The following FRMPD1 variants were observed in gnomAD, a reference collection of about 807,000 sequenced individuals.
FRMPD1 encodes the protein FERM and PDZ domain containing 1, also known as FERM and PDZ domain-containing protein 1.
In FRMPD1, 76 loss-of-function variants were observed where a neutral mutation model predicts 117.8. The observed-to-expected ratio is 0.65, with a 90% confidence interval of 0.54 to 0.78. The LOEUF (loss-of-function observed/expected upper bound fraction) is 0.78. Among genes scored for constraint, FRMPD1 ranks in the 30% least tolerant of loss-of-function variants. The probability of loss-of-function intolerance (pLI) is 0.00; values close to 1 mark genes in which losing one functional copy is unlikely to be tolerated. For synonymous variants in FRMPD1, 783 were observed against 770.4 expected, an observed-to-expected ratio of 1.02 and a Z score of -0.27; for missense variants, 1,786 against 1,964.5, an observed-to-expected ratio of 0.91 and a Z score of 1.72.
At chr9:37,613,514 G>A in the FRMPD1 span, among the ~76,000 whole-genome samples, 2 of 152,148 alleles carry the variant, frequency 1.3e-5, no homozygotes, top group Admixed American at 6.6e-5. Flanking sequence ...TACTTTGCTG[G>A]CTCTTAGTGT....
At chr9:37,719,731 C>T (rs1230638976) in intron 6 of FRMPD1, among the ~76,000 whole-genome samples, 1 of 152,078 alleles carries the variant, frequency 6.6e-6, no homozygotes, top group African/African-American at 2.4e-5. Context: ...ATGCAGGAGC[C>T]CAGGTCCATG....
intron 4 of FRMPD1, among the ~76,000 whole-genome samples, chr9:37,708,844 G>A (rs184130915): frequency 5.3e-5 from 8 of 152,284 alleles, no homozygotes; most frequent in Admixed American, 2.0e-4. Context: ...TAGGCACGTT[G>A]TAACATATGC....
the FRMPD1 span, among the ~76,000 whole-genome samples, chr9:37,619,071 AC>A: frequency 6.6e-6 from 1 of 152,218 alleles, no homozygotes; most frequent in Non-Finnish European, 1.5e-5. Flanking sequence ...GAGGAGATAA[AC>A]CCAGCCCCAA....
chr9:37,717,375 A>G (rs368951582), intron 5 of FRMPD1, among the ~76,000 whole-genome samples: 3,141 of 69,264 alleles, frequency 0.045, 110 homozygotes, highest in African/African-American at 0.13. Flanking sequence ...GTGTGTATAT[A>G]TATATATTTT....
chr9:37,732,343 A>G lies in FRMPD1; in HGVS notation c.898A>G (p.Met300Val). Residue 300 changes from methionine to valine, a missense_variant, in exon 10 of 16, where the codon ATG becomes GTG. By Grantham distance (21) the Met-to-Val change is conservative (BLOSUM62 1). Coordinates refer to ENST00000377765, the MANE Select transcript of FRMPD1 (RefSeq NM_014907.3). ...DVLQERFAVE[M>V]KCSSALRLAA... The stretch of plus-strand genomic sequence containing the variant: ...GCTCCAGGAGCGCTTTGCTGTAGAA[A>G]TGAAATGTAGCTCTGCACTCCGACT... 2 of 1,613,926 alleles carry G rather than the reference A, an allele frequency of 1.2e-6. No individual in the cohort carries two copies. The highest frequency in any genetic ancestry group is 8.5e-7 in the Non-Finnish European group (1 of 1,180,008).
rs1822786694 is a variant in FRMPD1 at position 37,708,327 on chromosome 9, C to T, written c.260-72C>T. ...GGAACTGGATCAGGGTGCCATTTAA[C>T]TGTGCCGCTATTACACATAGAGTCT... On this transcript the variant is annotated intron_variant, in intron 3 of 15. Coordinates refer to ENST00000377765, the MANE Select transcript of FRMPD1 (RefSeq NM_014907.3). The T allele has an allele frequency of 3.4e-6, 3 of 885,160 alleles. No homozygotes were observed. The African/African-American group carries it at 4.9e-5, about 15-fold the overall frequency. The allele number at this position is 885,160 out of a possible 1,614,324, so 54.8% of individuals were successfully genotyped here.
chr9:37,633,087 T>G, the FRMPD1 span, among the ~76,000 whole-genome samples: 1 of 151,626 alleles, frequency 6.6e-6, no homozygotes, highest in Non-Finnish European at 1.5e-5. Context: ...CAGGTAGGAG[T>G]GCAGTGGCAT....
At chr9:37,672,910 C>T (rs1563925835) in intron 1 of FRMPD1, among the ~76,000 whole-genome samples, 1 of 152,164 alleles carries the variant, frequency 6.6e-6, no homozygotes, top group Non-Finnish European at 1.5e-5. Flanking sequence ...CTAGGTCCCT[C>T]CCAGAACATG....
intron 1 of FRMPD1, among the ~76,000 whole-genome samples, chr9:37,658,434 G>A (rs1226792216): frequency 6.6e-6 from 1 of 152,120 alleles, no homozygotes; most frequent in Non-Finnish European, 1.5e-5. Context: ...TACTTCTTAG[G>A]TGCTGTATTT....
intron 7 of FRMPD1, chr9:37,727,973 T>TGC (rs1823687840): frequency 6.6e-6 from 1 of 152,234 alleles, no homozygotes. Context: ...GCACTGGATA[T>TGC]ACTGCATAAC....
At chr9:37,718,964 T>C (rs1488742375) in intron 5 of FRMPD1, 105 bp from the exon 6 acceptor site, 3 of 698,546 alleles carry the variant, frequency 4.3e-6, no homozygotes, top group Admixed American at 2.1e-5. Flanking sequence ...TTAAATTGAA[T>C]CTGCAACAGC....
chr9:37,640,323 C>T, the FRMPD1 span, among the ~76,000 whole-genome samples: 3 of 152,136 alleles, frequency 2.0e-5, no homozygotes, highest in Non-Finnish European at 2.9e-5. Context: ...GGTGGCTGAA[C>T]CGAGGACAGA....
chr9:37,737,899 A>G (rs1395205156), intron 14 of FRMPD1, among the ~76,000 whole-genome samples: 2 of 151,956 alleles, frequency 1.3e-5, no homozygotes, highest in Admixed American at 1.3e-4. Flanking sequence ...TTCAGGAAGT[A>G]GATGACCTGG....
chr9:37,631,378 G>A, the FRMPD1 span, among the ~76,000 whole-genome samples: 7 of 152,304 alleles, frequency 4.6e-5, no homozygotes, highest in East Asian at 1.9e-4. Flanking sequence ...ACTTGCCATC[G>A]CTTAGCATTA....
intron 5 of FRMPD1, among the ~76,000 whole-genome samples, chr9:37,717,331 A>ATGTGTGTGTGTGTG (rs1157491514): frequency 9.2e-6 from 1 of 108,552 alleles, no homozygotes; most frequent in Non-Finnish European, 2.0e-5. Flanking sequence ...GTGTGTGTGT[A>ATGTGTGTGTGTGTG]TGTGTATATA....
At chr9:37,615,975 G>C in the FRMPD1 span, among the ~76,000 whole-genome samples, 8 of 151,836 alleles carry the variant, frequency 5.3e-5, no homozygotes, top group Non-Finnish European at 1.2e-4. Context: ...ATCATGCCCA[G>C]CTTGTTTTTT....
intron 4 of FRMPD1, among the ~76,000 whole-genome samples, chr9:37,709,645 T>C (rs1393166998): frequency 6.6e-6 from 1 of 152,206 alleles, no homozygotes; most frequent in Non-Finnish European, 1.5e-5. Context: ...AGTTGTAGGC[T>C]GACAAAACAG....
intron 1 of FRMPD1, among the ~76,000 whole-genome samples, chr9:37,654,111 G>A (rs1588901054): frequency 1.3e-5 from 2 of 152,182 alleles, no homozygotes; most frequent in East Asian, 3.8e-4. Context: ...TGTTCTAGGT[G>A]CCTCGAGAAT....
intron 1 of FRMPD1, among the ~76,000 whole-genome samples, chr9:37,653,122 T>C (rs930802021): frequency 2.0e-5 from 3 of 152,180 alleles, no homozygotes; most frequent in Non-Finnish European, 4.4e-5. Context: ...GAAGAGGCTC[T>C]GGAGGCTCTG....
Sources: gnomAD v4.1 joint callset for allele counts (sites outside exome capture counted in the v4.1 genomes callset) on GRCh38, gnomAD v4.1.1 for gene constraint, MANE v1.5 for transcripts, NCBI Gene and HGNC (gene_info 2026-07-23, HGNC 2026-07-21) for gene names.